The following FBXO4 variants were observed in gnomAD, a reference collection of about 807,000 sequenced individuals.
FBXO4 encodes F-box protein 4.
In FBXO4, 36 loss-of-function variants were observed where a neutral mutation model predicts 43.7. The ratio of observed to expected loss-of-function variants is 0.82; its 90% CI spans 0.63 to 1.09. The LOEUF is 1.09. FBXO4 is among the 50% of genes least tolerant of loss of function. FBXO4 has a pLI of 0.00. For synonymous variants in FBXO4, 180 were observed against 165.6 expected (o/e 1.09, Z -0.67); for missense variants, 435 against 474.1 (o/e 0.92, Z 0.77).
At chr5:42,029,882 T>C in the FBXO4 span, among the ~76,000 whole-genome samples, 2 of 152,100 alleles carry the variant, frequency 1.3e-5, no homozygotes, top group Non-Finnish European at 2.9e-5. Flanking sequence ...TTGAATTTTT[T>C]GGAGTTTCCT....
chr5:41,949,648 T>C, the FBXO4 span, among the ~76,000 whole-genome samples: 10 of 152,160 alleles, frequency 6.6e-5, no homozygotes, highest in East Asian at 1.9e-3. Context: ...CCCAAGGTAT[T>C]TTACAGATTC....
downstream of FBXO4, among the ~76,000 whole-genome samples, chr5:41,942,642 C>T (rs1752022603): frequency 6.6e-6 from 1 of 151,904 alleles, no homozygotes; most frequent in African/African-American, 2.4e-5. Context: ...TTTCCAGAGT[C>T]CCAATCAAAT....
At chr5:42,014,609 T>A in the FBXO4 span, among the ~76,000 whole-genome samples, 7 of 152,180 alleles carry the variant, frequency 4.6e-5, no homozygotes, top group Non-Finnish European at 8.8e-5. Flanking sequence ...CTCACCTACT[T>A]CACTAGGTTT....
chr5:41,967,182 T>C, the FBXO4 span: 9 of 467,284 alleles, frequency 1.9e-5, no homozygotes, highest in African/African-American at 1.4e-4. Flanking sequence ...GCACTTTCCG[T>C]TCTTCAAGCC....
At chr5:42,017,515 G>A in the FBXO4 span, among the ~76,000 whole-genome samples, 5 of 151,606 alleles carry the variant, frequency 3.3e-5, no homozygotes, top group Non-Finnish European at 5.9e-5. Context: ...ATAATACTAA[G>A]GTTTGGGACA....
At chr5:41,960,042 C>T in the FBXO4 span, among the ~76,000 whole-genome samples, 4 of 151,748 alleles carry the variant, frequency 2.6e-5, no homozygotes, top group East Asian at 5.8e-4. Flanking sequence ...TCTTCATTAG[C>T]GTATTATAGT....
chr5:41,956,657 T>C, the FBXO4 span, among the ~76,000 whole-genome samples: 5 of 151,848 alleles, frequency 3.3e-5, no homozygotes, highest in Non-Finnish European at 7.4e-5. Context: ...ATTTTTTTTC[T>C]GATAAGAAGT....
chr5:41,950,206 T>C, the FBXO4 span, among the ~76,000 whole-genome samples: 1 of 151,966 alleles, frequency 6.6e-6, no homozygotes, highest in Non-Finnish European at 1.5e-5. Flanking sequence ...AAAGCCAAAA[T>C]AGACAAATGG....
chr5:41,929,591 T>TA, intron 2 of FBXO4, 106 bp from the exon 3 acceptor site: 1 of 777,464 alleles, frequency 1.3e-6, no homozygotes, highest in South Asian at 1.9e-5. Flanking sequence ...GACTATATAA[T>TA]CATTGTATCC....
chr5:41,961,912 T>C, the FBXO4 span, among the ~76,000 whole-genome samples: 1 of 152,208 alleles, frequency 6.6e-6, no homozygotes, highest in Non-Finnish European at 1.5e-5. Flanking sequence ...ATGCAACTGA[T>C]AGCAACAGCC....
At chr5:41,935,325 CAGG>C (rs1484500863) in intron 5 of FBXO4, among the ~76,000 whole-genome samples, 2 of 152,186 alleles carry the variant, frequency 1.3e-5, no homozygotes, top group Admixed American at 6.5e-5. Context: ...AGTGGTAAGG[CAGG>C]AGACCTATGA....
At chr5:41,946,992 G>A in the FBXO4 span, among the ~76,000 whole-genome samples, 1 of 152,080 alleles carries the variant, frequency 6.6e-6, no homozygotes, top group Non-Finnish European at 1.5e-5. Flanking sequence ...CCAAATAAAG[G>A]ACCATTTATA....
rs1474371336 is a variant in FBXO4, at chr5:41,934,113, C to CT, written c.723-17dup. The CT allele has an allele frequency of 6.2e-7, 1 of 1,613,272 alleles. No individual in the cohort carries two copies. Among genetic ancestry groups the CT allele is most frequent in the Non-Finnish European group, 8.5e-7 (1 of 1,179,586 alleles). On this transcript the variant is annotated intron_variant, in intron 4 of 6. Transcript: ENST00000281623. The stretch of plus-strand genomic sequence containing the variant: ...TGTTTAGTGTCTTTTTATATTCTGT[C>CT]TTTACAATTTTTTTTCTAGAAAGGA...
At chr5:41,992,728 T>A in the FBXO4 span, among the ~76,000 whole-genome samples, 193 of 152,370 alleles carry the variant, frequency 1.3e-3, no homozygotes, top group African/African-American at 4.4e-3. Context: ...TTTCTTTTTT[T>A]AAAATTTGCT....
the FBXO4 span, among the ~76,000 whole-genome samples, chr5:41,995,454 G>A: frequency 4.6e-5 from 7 of 152,276 alleles, no homozygotes; most frequent in South Asian, 4.2e-4. Flanking sequence ...CTGGCAAATC[G>A]GGCACTCAGC....
chr5:42,037,671 C>CGG, the FBXO4 span, among the ~76,000 whole-genome samples: 1 of 152,076 alleles, frequency 6.6e-6, no homozygotes, highest in Non-Finnish European at 1.5e-5. Context: ...GACATTCTTT[C>CGG]ATGTCCTGCA....
chr5:41,984,130 T>C, the FBXO4 span, among the ~76,000 whole-genome samples: 1 of 152,204 alleles, frequency 6.6e-6, no homozygotes, highest in Non-Finnish European at 1.5e-5. Context: ...ATGAGGTTAC[T>C]ATTCATTTTA....
the FBXO4 span, among the ~76,000 whole-genome samples, chr5:42,000,113 G>A: frequency 3.9e-5 from 6 of 152,232 alleles, no homozygotes; most frequent in South Asian, 1.2e-3. Flanking sequence ...TTAGCAAAAT[G>A]TCTCTAGGTT....
chr5:42,021,810 T>A, the FBXO4 span, among the ~76,000 whole-genome samples: 1 of 152,122 alleles, frequency 6.6e-6, no homozygotes, highest in Non-Finnish European at 1.5e-5. Flanking sequence ...CAGGTACATA[T>A]TTTTAAAGAG....
Sources: gnomAD v4.1 joint callset for allele counts (sites outside exome capture counted in the v4.1 genomes callset) on GRCh38, gnomAD v4.1.1 for gene constraint, MANE v1.5 for transcripts, NCBI Gene and HGNC (gene_info 2026-07-23, HGNC 2026-07-21) for gene names.